PTPRA: variants seen among roughly 807,000 people sequenced by gnomAD.
The protein encoded by PTPRA is protein tyrosine phosphatase receptor type A, also known as receptor-type tyrosine-protein phosphatase alpha.
PTPRA carries 25 observed loss-of-function variants against 104.8 expected under a neutral mutation model. The ratio of observed to expected loss-of-function variants is 0.24; its 90% CI spans 0.17 to 0.33. The LOEUF is 0.33. Among genes scored for constraint, PTPRA ranks in the 10% least tolerant of loss-of-function variants. The pLI is 1.00. For missense variants in PTPRA, 765 were observed against 1,015.3 expected, an observed-to-expected ratio of 0.75 and a Z score of 3.35; for synonymous variants, 323 against 368.9, an observed-to-expected ratio of 0.88 and a Z score of 1.43.
In PTPRA at chr20:3,037,991, T is replaced by C; in HGVS notation, c.2335-68T>C. ...TCCATCTTCAACAAAAAAATGAGTC[T>C]GTTAGGAATTACAGGTACTGTGTGT... On this transcript the variant is annotated intron_variant, in intron 23 of 23. Transcript: ENST00000399903. The surrounding 1 kb of genome is among the most constrained non-coding windows in gnomAD (Gnocchi z 4.3). 1 of 1,312,118 alleles carries C rather than the reference T, an allele frequency of 7.6e-7. No individual in the cohort carries two copies. The highest frequency in any genetic ancestry group is 1.3e-5 in the South Asian group (1 of 79,846). 81.3% of individuals were successfully genotyped at this position (1,312,118 alleles called of 1,614,324 possible).
At position 2,935,556 on chromosome 20, in the gene PTPRA, T is replaced by G. The variant is rs576082194; in HGVS notation, c.-50+12271T>G. ...TACTGAATCATATAGTAGTTCTATT[T>G]AAATTTTTTTTTGTTTTTTAATTTT... On this transcript the variant is annotated intron_variant, in intron 2 of 23. Coordinates refer to ENST00000399903, the MANE Select transcript of PTPRA (RefSeq NM_001385305.1). Among the ~76,000 whole-genome samples, 143 of 152,362 alleles carry G rather than the reference T, an allele frequency of 9.4e-4. 1 individual carries two copies. The highest frequency in any genetic ancestry group is 1.9e-3 in the Non-Finnish European group (131 of 68,026).
intron 5 of PTPRA, among the ~76,000 whole-genome samples, chr20:2,973,337 A>G (rs2062271585): frequency 6.6e-6 from 1 of 151,956 alleles, no homozygotes; most frequent in Admixed American, 6.6e-5. Flanking sequence ...CATTCTTTCC[A>G]GTTAATTAAC....
chr20:2,866,590 C>T, the PTPRA span: 17 of 1,613,128 alleles, frequency 1.1e-5, no homozygotes, highest in Admixed American at 1.7e-5. Context: ...CCATCCTGTA[C>T]ATCTCAAGCA....
chr20:2,967,154 T>C (rs2061975899), intron 5 of PTPRA, among the ~76,000 whole-genome samples: 1 of 152,220 alleles, frequency 6.6e-6, no homozygotes. Flanking sequence ...TTAGGCCTAT[T>C]TCTCACTTTT....
At chr20:3,030,407 C>T (rs1418681189) in intron 20 of PTPRA, among the ~76,000 whole-genome samples, 3 of 152,190 alleles carry the variant, frequency 2.0e-5, no homozygotes, top group Admixed American at 2.0e-4. Flanking sequence ...TGGATTGGAA[C>T]AGGATGTTAG....
chr20:2,905,291 G>GTA (rs1213573762), intron 1 of PTPRA, among the ~76,000 whole-genome samples: 2 of 152,118 alleles, frequency 1.3e-5, no homozygotes. Flanking sequence ...TGATAATAGA[G>GTA]TATATATAAT....
At chr20:2,989,718 A>C (rs2063067567) in intron 9 of PTPRA, among the ~76,000 whole-genome samples, 1 of 152,098 alleles carries the variant, frequency 6.6e-6, no homozygotes, top group African/African-American at 2.4e-5. Flanking sequence ...CCAGATTTAC[A>C]TCTTGAAAAA....
chr20:2,919,238 G>A (rs2060016450), intron 1 of PTPRA, among the ~76,000 whole-genome samples: 1 of 152,130 alleles, frequency 6.6e-6, no homozygotes, highest in African/African-American at 2.4e-5. Flanking sequence ...TACGACTTGT[G>A]CTTAATAAGA....
At chr20:2,865,711 G>T in the PTPRA span, among the ~76,000 whole-genome samples, 2 of 152,222 alleles carry the variant, frequency 1.3e-5, no homozygotes, top group African/African-American at 2.4e-5. This position sits in a 1 kb window ranked among gnomAD's most constrained non-coding sequence, Gnocchi z 5.2. Flanking sequence ...GATGTTACGG[G>T]GAGAGAGAAT....
At chr20:2,963,629 T>C (rs919402616) in intron 3 of PTPRA, among the ~76,000 whole-genome samples, 5 of 152,078 alleles carry the variant, frequency 3.3e-5, no homozygotes, top group Non-Finnish European at 7.4e-5. Context: ...TTAAGACTTA[T>C]TTTTACAGGT....
At chr20:2,955,300 C>G (rs1296976237) in intron 3 of PTPRA, among the ~76,000 whole-genome samples, 1 of 152,126 alleles carries the variant, frequency 6.6e-6, no homozygotes, top group Non-Finnish European at 1.5e-5. Context: ...ATACCAAATT[C>G]TATTTTGTGT....
intron 1 of PTPRA, among the ~76,000 whole-genome samples, chr20:2,897,906 CTTTTTTTTTTTT>C (rs34328077): frequency 1.2e-5 from 1 of 83,708 alleles, no homozygotes; most frequent in Non-Finnish European, 2.2e-5. Flanking sequence ...CCTCATCATT[CTTTTTTTTTTTT>C]TTTTTTTTTT....
chr20:2,904,210 G>A (rs1465077256), intron 1 of PTPRA, among the ~76,000 whole-genome samples: 1 of 152,052 alleles, frequency 6.6e-6, no homozygotes, highest in Non-Finnish European at 1.5e-5. Context: ...ATGGCGCCCA[G>A]TCTATGTATT....
At chr20:2,981,099 A>G (rs1020812976) in intron 6 of PTPRA, among the ~76,000 whole-genome samples, 2 of 152,000 alleles carry the variant, frequency 1.3e-5, no homozygotes, top group Non-Finnish European at 2.9e-5. Flanking sequence ...ATACTTAACA[A>G]TCATATGCAG....
chr20:2,927,716 C>G (rs569853949), intron 2 of PTPRA, among the ~76,000 whole-genome samples: 2 of 152,130 alleles, frequency 1.3e-5, no homozygotes, highest in Middle Eastern at 3.4e-3. Flanking sequence ...TTTTTTAAAT[C>G]TTACTAGAGG....
chr20:2,892,005 C>A (rs527404681), intron 1 of PTPRA, among the ~76,000 whole-genome samples: 2 of 152,134 alleles, frequency 1.3e-5, no homozygotes, highest in Admixed American at 1.3e-4. Flanking sequence ...AGAGGGTCAA[C>A]TGGGCCGGGC....
Position 3,017,927 on chromosome 20 carries a change from T to G in PTPRA, c.1041+14T>G, listed in dbSNP as rs775090884. On this transcript the variant is annotated intron_variant, in intron 13 of 23. Transcript: ENST00000399903. ...GAGAGAAAGGAGGTAAGTGGAAAAA[T>G]TGGATGTGAACAGCAGAAGGATCAC... The G allele has an allele frequency of 6.2e-7, 1 of 1,605,416 alleles. No homozygotes were observed. The highest frequency in any genetic ancestry group is 8.5e-7 in the Non-Finnish European group (1 of 1,172,236).
intron 5 of PTPRA, among the ~76,000 whole-genome samples, chr20:2,973,868 G>A (rs929556297): frequency 3.3e-5 from 5 of 152,172 alleles, no homozygotes; most frequent in African/African-American, 1.2e-4. Flanking sequence ...TCTGAGGGGA[G>A]GAGAGTTGGC....
intron 6 of PTPRA, 69 bp downstream of exon 6, chr20:2,975,310 C>T: frequency 7.3e-7 from 1 of 1,378,238 alleles, no homozygotes; most frequent in South Asian, 1.4e-5. Flanking sequence ...TTCCTCTGCT[C>T]ACAGTCTGTG....
Sources: allele counts gnomAD v4.1 joint callset (sites outside exome capture counted in the v4.1 genomes callset), GRCh38; gene constraint gnomAD v4.1.1; non-coding constraint Gnocchi (gnomAD v3.1); transcripts MANE v1.5; gene names NCBI Gene and HGNC (gene_info 2026-07-23, HGNC 2026-07-21).